The following EYS variants were observed in gnomAD, a reference collection of about 807,000 sequenced individuals.
The protein encoded by EYS is EGF-like photoreceptor maintenance factor, also known as protein eyes shut homolog.
Under a neutral mutation model 282.1 loss-of-function variants are expected in EYS, and 250 were observed. The observed-to-expected ratio is 0.89, with a 90% CI of 0.80 to 0.98. The LOEUF (loss-of-function observed/expected upper bound fraction) is 0.98. Ranked by LOEUF, EYS falls within the 50% of genes least tolerant of loss-of-function variation. EYS has a pLI of 0.00. For missense variants in EYS, 4,016 were observed against 3,709.0 expected, an observed-to-expected ratio of 1.08 and a Z score of -2.15; for synonymous variants, 1,355 against 1,282.9, an observed-to-expected ratio of 1.06 and a Z score of -1.20.
At chr6:64,398,505 TAC>T (rs3046625) in intron 28 of EYS, among the ~76,000 whole-genome samples, 46,467 of 150,430 alleles carry the variant, frequency 0.31, 7,093 homozygotes, top group East Asian at 0.46. Context: ...TGTCAGGTTT[TAC>T]ACACACACAC....
At chr6:64,554,301 A>T (rs992639516) in intron 26 of EYS, among the ~76,000 whole-genome samples, 2 of 152,124 alleles carry the variant, frequency 1.3e-5, no homozygotes, top group African/African-American at 4.8e-5. Flanking sequence ...ACTAAAATGT[A>T]TAAAGTGGAA....
At chr6:65,524,072 A>G (rs531982970) in intron 2 of EYS, among the ~76,000 whole-genome samples, 32 of 152,290 alleles carry the variant, frequency 2.1e-4, no homozygotes, top group African/African-American at 6.7e-4. Context: ...GGGTTTCGCC[A>G]TGTTGGCCAG....
At chr6:64,095,850 C>G (rs531809544) in intron 31 of EYS, among the ~76,000 whole-genome samples, 1 of 152,250 alleles carries the variant, frequency 6.6e-6, no homozygotes, top group African/African-American at 2.4e-5. Context: ...TTCCTAGCCT[C>G]GATGGTCTTT....
intron 33 of EYS, among the ~76,000 whole-genome samples, chr6:64,019,501 C>T (rs1193106860): frequency 6.6e-6 from 1 of 151,928 alleles, no homozygotes; most frequent in Non-Finnish European, 1.5e-5. Context: ...ACCCCTGTCT[C>T]CTGGATTCAA....
At chr6:64,910,140 A>G (rs1407379293) in intron 16 of EYS, among the ~76,000 whole-genome samples, 1 of 152,138 alleles carries the variant, frequency 6.6e-6, no homozygotes, top group Non-Finnish European at 1.5e-5. Context: ...GATCCAGTGG[A>G]GCTTCCAAAT....
chr6:64,986,507 T>TG lies in EYS; in HGVS notation c.2259+11074_2259+11075insC, dbSNP rs1369662310. ...TGTAAAGGCAGTCCTATGCAATTTTTTTTTTTCTAATACTTCATGGTGTTT... is the reference window on the plus strand; with the variant it reads ...TGTAAAGGCAGTCCTATGCAATTTTTGTTTTTTCTAATACTTCATGGTGTTT... On this transcript the variant is annotated intron_variant, in intron 14 of 42. Transcript: ENST00000503581. Among the ~76,000 whole-genome samples the TG allele has an allele frequency of 2.3e-4, 3 of 13,060 alleles. 1 individual carries two copies. The African/African-American group carries it at 3.1e-3, about 14-fold the overall frequency. The allele number at this position is 13,060 out of a possible 152,430, so 8.6% of individuals were successfully genotyped here. A position where few individuals can be genotyped will look rare whatever the true frequency, so the allele number is the denominator to read the frequency against.
intron 23 of EYS, among the ~76,000 whole-genome samples, chr6:64,622,129 T>C (rs996132357): frequency 6.6e-6 from 1 of 152,196 alleles, no homozygotes. Flanking sequence ...AGGATGTTTC[T>C]TGCACAAAGA....
chr6:64,623,950 T>G (rs1302136372), intron 23 of EYS, among the ~76,000 whole-genome samples: 2 of 152,066 alleles, frequency 1.3e-5, no homozygotes, highest in African/African-American at 4.8e-5. Flanking sequence ...AAAGGGAGGA[T>G]GGATTGGCAT....
chr6:64,975,216 A>T (rs940443086), intron 14 of EYS, among the ~76,000 whole-genome samples: 4 of 151,842 alleles, frequency 2.6e-5, no homozygotes, highest in African/African-American at 9.7e-5. Context: ...CCACTTATTG[A>T]ATAAGATATA....
chr6:64,038,863 C>T (rs1177865310), intron 33 of EYS, among the ~76,000 whole-genome samples: 3 of 150,806 alleles, frequency 2.0e-5, no homozygotes, highest in Non-Finnish European at 4.4e-5. Flanking sequence ...GGAGTGCAGT[C>T]GCGCGATCTT....
chr6:65,365,905 AGTGTTTCT>A (rs1207897358), intron 8 of EYS, among the ~76,000 whole-genome samples: 6 of 151,772 alleles, frequency 4.0e-5, no homozygotes, highest in Admixed American at 2.0e-4. Context: ...TTTTTAAATC[AGTGTTTCT>A]GTTGACTTTT....
At chr6:65,580,365 C>G (rs980154056) in intron 2 of EYS, among the ~76,000 whole-genome samples, 3 of 151,986 alleles carry the variant, frequency 2.0e-5, no homozygotes, top group African/African-American at 7.2e-5. Flanking sequence ...TGTGCTTATT[C>G]AAGATTTAGA....
intron 12 of EYS, among the ~76,000 whole-genome samples, chr6:65,099,839 T>A (rs2150182673): frequency 6.6e-6 from 1 of 150,884 alleles, no homozygotes; most frequent in South Asian, 2.1e-4. Flanking sequence ...TCTCAATAAC[T>A]TATTTTATCA....
At chr6:64,248,213 G>C (rs1468589258) in intron 30 of EYS, among the ~76,000 whole-genome samples, 1 of 151,150 alleles carries the variant, frequency 6.6e-6, no homozygotes, top group Non-Finnish European at 1.5e-5. Flanking sequence ...GTGTGTGTGT[G>C]TGTGTGTATA....
At chr6:63,870,128 A>G (rs934274867) in intron 35 of EYS, among the ~76,000 whole-genome samples, 2 of 152,306 alleles carry the variant, frequency 1.3e-5, no homozygotes, top group East Asian at 1.9e-4. Context: ...TGTAAAGATA[A>G]TGTGCCTATT....
At chr6:64,443,591 A>G (rs986654464) in intron 26 of EYS, among the ~76,000 whole-genome samples, 1 of 152,178 alleles carries the variant, frequency 6.6e-6, no homozygotes, top group African/African-American at 2.4e-5. Context: ...GAACCTGGTG[A>G]GAGATGATTG....
intron 31 of EYS, among the ~76,000 whole-genome samples, chr6:64,151,377 T>C (rs1308558299): frequency 9.7e-5 from 13 of 133,940 alleles, no homozygotes; most frequent in Non-Finnish European, 1.7e-4. Context: ...TTTTTTTTCT[T>C]TTGAGATGGA....
At chr6:64,070,768 G>A (rs1015575497) in intron 32 of EYS, among the ~76,000 whole-genome samples, 1 of 151,958 alleles carries the variant, frequency 6.6e-6, no homozygotes, top group African/African-American at 2.4e-5. Context: ...GCATCTCTAA[G>A]GACATTTTTT....
chr6:65,288,860 A>C (rs372792948), intron 12 of EYS, among the ~76,000 whole-genome samples: 1 of 151,160 alleles, frequency 6.6e-6, no homozygotes, highest in Non-Finnish European at 1.5e-5. Flanking sequence ...ACAAGTACCA[A>C]TTTCTATTAA....
Sources: gnomAD v4.1 joint callset for allele counts (sites outside exome capture counted in the v4.1 genomes callset) on GRCh38, gnomAD v4.1.1 for gene constraint, MANE v1.5 for transcripts, NCBI Gene and HGNC (gene_info 2026-07-23, HGNC 2026-07-21) for gene names.